PHYHIPL: variants seen among roughly 807,000 people sequenced by gnomAD.
The protein encoded by PHYHIPL is phytanoyl-CoA hydroxylase-interacting protein-like.
In PHYHIPL, 9 loss-of-function variants were observed where a neutral mutation model predicts 33.4. The observed-to-expected ratio is 0.27, with a 90% CI of 0.16 to 0.47. The LOEUF is 0.47. PHYHIPL is among the 20% of genes least tolerant of loss of function. PHYHIPL has a pLI of 0.99. For missense variants in PHYHIPL, 365 were observed against 460.7 expected (o/e 0.79, Z 1.90); for synonymous variants, 153 against 154.1 (o/e 0.99, Z 0.05).
At chr10:59,240,698 T>C (rs1840369985) in intron 4 of PHYHIPL, among the ~76,000 whole-genome samples, 1 of 152,084 alleles carries the variant, frequency 6.6e-6, no homozygotes, top group South Asian at 2.1e-4. Context: ...AAGAAATACA[T>C]CAAAAGAATA....
intron 1 of PHYHIPL, among the ~76,000 whole-genome samples, chr10:59,212,303 A>G (rs542098196): frequency 2.0e-5 from 3 of 152,360 alleles, no homozygotes; most frequent in Non-Finnish European, 4.4e-5. Context: ...AACAGAAAAC[A>G]GATGAAGAGC....
chr10:59,187,374 T>C (rs1016523921), intron 1 of PHYHIPL, among the ~76,000 whole-genome samples: 2 of 152,238 alleles, frequency 1.3e-5, no homozygotes, highest in African/African-American at 2.4e-5. Flanking sequence ...GCCAGTATTT[T>C]ATTGAGTATT....
At chr10:59,244,285 G>A (rs1260375342) in intron 4 of PHYHIPL, among the ~76,000 whole-genome samples, 1 of 151,922 alleles carries the variant, frequency 6.6e-6, no homozygotes, top group African/African-American at 2.4e-5. Context: ...CCAAAACAAG[G>A]GCTGAGCGTG....
upstream of PHYHIPL, chr10:59,176,574 A>T (rs542245405): frequency 7.6e-6 from 2 of 262,426 alleles, no homozygotes; most frequent in African/African-American, 2.2e-5. Context: ...ACGTTCCCCG[A>T]GAGCAGCGTC....
intron 4 of PHYHIPL, among the ~76,000 whole-genome samples, chr10:59,243,763 A>G (rs1288739063): frequency 6.7e-6 from 1 of 150,128 alleles, no homozygotes; most frequent in Non-Finnish European, 1.5e-5. Flanking sequence ...AAAAAAAAAC[A>G]AACAACAAAA....
At chr10:59,185,072 G>A (rs1209138666) in intron 1 of PHYHIPL, among the ~76,000 whole-genome samples, 1 of 140,804 alleles carries the variant, frequency 7.1e-6, no homozygotes, top group East Asian at 2.1e-4. Flanking sequence ...CTCACTGCAA[G>A]CTCCGCCTCC....
chr10:59,188,061 G>A (rs1056944530), intron 1 of PHYHIPL, among the ~76,000 whole-genome samples: 9 of 152,114 alleles, frequency 5.9e-5, no homozygotes, highest in African/African-American at 1.9e-4. Context: ...TGATGTTAAG[G>A]TGTCAATTTT....
rs191707203 is a variant in PHYHIPL, at chr10:59,236,018, T to C, written c.304-465T>C. Among the ~76,000 whole-genome samples the C allele has an allele frequency of 3.4e-3, 516 of 152,002 alleles. 8 individuals carry two copies. Among genetic ancestry groups the C allele is most frequent in the African/African-American group, 0.012 (484 of 41,520 alleles). ...ACTTTATCTTTTATGTCTCTGTTTT[T>C]TAAAGTTTTGTCATTTAGTATGAGA... On this transcript the variant is annotated intron_variant, in intron 2 of 4. Transcript: ENST00000373880.
Position 59,245,208 on chromosome 10 carries a change from T to C in PHYHIPL, c.748T>C (p.Tyr250His), listed in dbSNP as rs748018402. The C allele has an allele frequency of 5.0e-6, 8 of 1,614,066 alleles. No homozygotes were observed. In the East Asian group the frequency reaches 8.9e-5, roughly 18 times the overall value. Residue 250 changes from tyrosine (Y) to histidine (H), a missense_variant, in exon 5 of 5, where the codon TAC becomes CAC. This residue lies in a region of PHYHIPL where 196 missense variants were observed against 224.9 expected (regional missense o/e 0.87). Coordinates refer to ENST00000373880, the MANE Select transcript of PHYHIPL (RefSeq NM_032439.4). ...ACCCCAGGATTCACCTTATGGAAGATACAGGTTTGAGATTGCCGCAGAAAA... is the reference window on the plus strand; with the variant it reads ...ACCCCAGGATTCACCTTATGGAAGACACAGGTTTGAGATTGCCGCAGAAAA... ...KPPQDSPYGR[Y>H]RFEIAAEKLF...
At chr10:59,203,085 C>A (rs1399779927) in intron 1 of PHYHIPL, among the ~76,000 whole-genome samples, 1 of 152,070 alleles carries the variant, frequency 6.6e-6, no homozygotes, top group Non-Finnish European at 1.5e-5. Flanking sequence ...AATCAAACAA[C>A]CCCATCAGAA....
In PHYHIPL at chr10:59,238,722, T is replaced by C. The variant is rs768468971; in HGVS notation, c.596+17T>C. The C allele has an allele frequency of 2.0e-6, 3 of 1,469,844 alleles. No individual in the cohort carries two copies. Among genetic ancestry groups the C allele is most frequent in the East Asian group, 4.5e-5 (2 of 44,016 alleles). The allele number at this position is 1,469,844 out of a possible 1,614,324, so 91.1% of individuals were successfully genotyped here. A position where few individuals can be genotyped will look rare whatever the true frequency, so the allele number is the denominator to read the frequency against. ...CTATGTTCGGTAAGATTCAAAAATATATAGTGATTTGTTTTACTAAATATA... is the reference window on the plus strand; with the variant it reads ...CTATGTTCGGTAAGATTCAAAAATACATAGTGATTTGTTTTACTAAATATA... On this transcript the variant is annotated intron_variant, in intron 4 of 4. Transcript: ENST00000373880.
chr10:59,176,645 A>C lies in PHYHIPL; in HGVS notation c.-209A>C, dbSNP rs1472598414. 1.9e-6 allele frequency: 1 copy of C among 523,908 alleles called. No individual in the cohort carries two copies. The highest frequency in any genetic ancestry group is 3.4e-6 in the Non-Finnish European group (1 of 296,028). The allele number at this position is 523,908 out of a possible 1,614,324, so 32.5% of individuals were successfully genotyped here. On this transcript the variant is annotated 5_prime_UTR_variant, in exon 1 of 5. Transcript: ENST00000373880. ...CGCCGGGTCCTGCTCGGTCTCTCAG[A>C]GCCGCACACTCCGCGGAGCTCCTGC...
intron 4 of PHYHIPL, among the ~76,000 whole-genome samples, chr10:59,240,788 ATC>A (rs1840373312): frequency 6.6e-6 from 1 of 152,210 alleles, no homozygotes; most frequent in Non-Finnish European, 1.5e-5. Context: ...GGAGGGCAGT[ATC>A]TCTCTGTGAT....
chr10:59,244,893 C>A (rs1179336834), intron 4 of PHYHIPL, among the ~76,000 whole-genome samples, 164 bp from the exon 5 acceptor site: 1 of 152,072 alleles, frequency 6.6e-6, no homozygotes, highest in Admixed American at 6.5e-5. Flanking sequence ...AGAATACAGC[C>A]ATCTATAGGT....
chr10:59,202,742 C>T (rs1195771081), intron 1 of PHYHIPL, among the ~76,000 whole-genome samples: 1 of 152,122 alleles, frequency 6.6e-6, no homozygotes, highest in Non-Finnish European at 1.5e-5. Flanking sequence ...GTTAAATTAC[C>T]TGTCTAATTT....
At chr10:59,238,213 T>C (rs771451859) in intron 3 of PHYHIPL, among the ~76,000 whole-genome samples, 5 of 152,014 alleles carry the variant, frequency 3.3e-5, no homozygotes, top group Non-Finnish European at 7.4e-5. Flanking sequence ...AACTTTTCTA[T>C]TGATTGCAGA....
At chr10:59,229,678 A>T (rs888676530) in intron 1 of PHYHIPL, among the ~76,000 whole-genome samples, 1 of 152,078 alleles carries the variant, frequency 6.6e-6, no homozygotes, top group Non-Finnish European at 1.5e-5. Context: ...ATAGACAAAA[A>T]AAATAAATAA....
At chr10:59,195,338 G>GCATGA (rs1838884312) in intron 1 of PHYHIPL, among the ~76,000 whole-genome samples, 1 of 152,184 alleles carries the variant, frequency 6.6e-6, no homozygotes, top group South Asian at 2.1e-4. Context: ...TATAAGCTGT[G>GCATGA]CATGACGTGG....
Position 59,180,366 on chromosome 10 carries a change from T to C in PHYHIPL, c.106+3407T>C, listed in dbSNP as rs1231236428. ...TATATATATATATATATATATACTT[T>C]TTCTTCCTCGTTGAACAGGAAAGAT... is the stretch of plus-strand genomic sequence containing the variant. On this transcript the variant is annotated intron_variant, in intron 1 of 4. Coordinates refer to ENST00000373880, the MANE Select transcript of PHYHIPL (RefSeq NM_032439.4). Among the ~76,000 whole-genome samples, 3 of 129,666 alleles carry C rather than the reference T, an allele frequency of 2.3e-5. No homozygotes were observed. In the South Asian group the frequency reaches 7.5e-4, roughly 32 times the overall value. The allele number at this position is 129,666 out of a possible 152,430, so 85.1% of individuals were successfully genotyped here.
Sources: gnomAD v4.1 joint callset for allele counts (sites outside exome capture counted in the v4.1 genomes callset) on GRCh38, gnomAD v4.1.1 for gene constraint, gnomAD v4.1.1 regional missense constraint, MANE v1.5 for transcripts, NCBI Gene and HGNC (gene_info 2026-07-23, HGNC 2026-07-21) for gene names.